Variants in BBS9 observed in about 807,000 individuals in gnomAD.
BBS9 encodes protein PTHB1.
BBS9 carries 89 observed loss-of-function variants against 117.7 expected under a neutral mutation model. That is an observed-to-expected ratio of 0.76 (90% CI 0.64 to 0.90). The LOEUF (loss-of-function observed/expected upper bound fraction) is 0.90, where lower values mean the gene tolerates loss of function less well. BBS9 is among the 40% of genes least tolerant of loss of function. The pLI, the probability that BBS9 is intolerant of heterozygous loss-of-function variation, is 0.00. For synonymous variants in BBS9, 379 were observed against 370.9 expected (o/e 1.02, Z -0.25); for missense variants, 982 against 1,042.2 (o/e 0.94, Z 0.80).
intron 9 of BBS9, among the ~76,000 whole-genome samples, chr7:33,318,580 A>T (rs890608322): frequency 5.9e-5 from 9 of 152,220 alleles, no homozygotes; most frequent in East Asian, 1.9e-4. Flanking sequence ...ATTATTTTTT[A>T]AAAAATATTT....
intron 9 of BBS9, among the ~76,000 whole-genome samples, chr7:33,285,466 C>T (rs1802706168): frequency 6.6e-6 from 1 of 152,092 alleles, no homozygotes; most frequent in South Asian, 2.1e-4. Flanking sequence ...CCTCAGTAAA[C>T]ATAATTTGGA....
At chr7:33,387,605 C>T (rs1826254631) in intron 18 of BBS9, among the ~76,000 whole-genome samples, 1 of 151,990 alleles carries the variant, frequency 6.6e-6, no homozygotes, top group African/African-American at 2.4e-5. Context: ...CTTTCCTATA[C>T]CAAGATCATT....
chr7:33,353,102 G>C (rs553059896), intron 15 of BBS9, among the ~76,000 whole-genome samples: 1 of 152,162 alleles, frequency 6.6e-6, no homozygotes, highest in African/African-American at 2.4e-5. Context: ...ATGAAATTAG[G>C]AGTAAAAATA....
At chr7:33,248,684 T>C (rs1795752441) in intron 5 of BBS9, among the ~76,000 whole-genome samples, 1 of 152,188 alleles carries the variant, frequency 6.6e-6, no homozygotes, top group African/African-American at 2.4e-5. Flanking sequence ...TGAGGTAGGT[T>C]TGCAATAAAG....
chr7:33,452,195 C>CTT lies in BBS9; in HGVS notation c.2116-53257_2116-53256dup, dbSNP rs201032164. Among the ~76,000 whole-genome samples, 464 of 145,090 alleles carry CTT rather than the reference C, an allele frequency of 3.2e-3. 1 individual carries two copies. The highest frequency in any genetic ancestry group is 9.8e-3 in the African/African-American group (392 of 39,864). On this transcript the variant is annotated intron_variant, in intron 19 of 22. Coordinates refer to ENST00000242067, the MANE Select transcript of BBS9 (RefSeq NM_198428.3). ...AGGATATCTTCTCATTTATTTTTAT[C>CTT]TTTTTTTTTTTTAGCAATGTTTTAT...
chr7:33,315,678 A>G (rs764865268), intron 9 of BBS9, among the ~76,000 whole-genome samples: 5 of 152,168 alleles, frequency 3.3e-5, no homozygotes, highest in Non-Finnish European at 7.4e-5. Flanking sequence ...TATAGAGTTA[A>G]AATGTTAGGC....
At chr7:33,569,458 T>A (rs1857419870) in intron 21 of BBS9, among the ~76,000 whole-genome samples, 1 of 151,210 alleles carries the variant, frequency 6.6e-6, no homozygotes, top group Non-Finnish European at 1.5e-5. Flanking sequence ...GATATATAAA[T>A]GCAAAAATAA....
chr7:33,153,715 A>G (rs1452673542), intron 3 of BBS9, among the ~76,000 whole-genome samples: 1 of 152,160 alleles, frequency 6.6e-6, no homozygotes, highest in Non-Finnish European at 1.5e-5. Context: ...TTCTAGTGAT[A>G]TGTTTTATTC....
At chr7:33,357,508 G>A (rs184678572) in intron 15 of BBS9, among the ~76,000 whole-genome samples, 1 of 151,716 alleles carries the variant, frequency 6.6e-6, no homozygotes, top group Non-Finnish European at 1.5e-5. Context: ...CTTGGATTAG[G>A]GCTAGAGCTC....
Position 33,251,115 on chromosome 7 carries a change from T to C in BBS9, c.443-6121T>C, listed in dbSNP as rs139104477. Among the ~76,000 whole-genome samples the C allele has an allele frequency of 6.6e-5, 10 of 152,322 alleles. No individual in the cohort carries two copies. The East Asian group carries it at 1.7e-3, about 26-fold the overall frequency. The stretch of plus-strand genomic sequence containing the variant: ...CCTGACTCAAAGTGACTTCAGTATC[T>C]ACAGGAATGAATTGCCTGCAGAGTT... On this transcript the variant is annotated intron_variant, in intron 5 of 22. Coordinates refer to ENST00000242067, the MANE Select transcript of BBS9 (RefSeq NM_198428.3).
intron 19 of BBS9, among the ~76,000 whole-genome samples, chr7:33,429,124 A>G (rs1409694787): frequency 6.6e-6 from 1 of 152,150 alleles, no homozygotes; most frequent in Non-Finnish European, 1.5e-5. Flanking sequence ...TGGAGCATGT[A>G]TTAACTTTCT....
intron 19 of BBS9, among the ~76,000 whole-genome samples, chr7:33,404,128 A>G (rs1399775181): frequency 1.3e-5 from 2 of 151,972 alleles, no homozygotes; most frequent in Admixed American, 6.6e-5. Context: ...TGTTTTTCTC[A>G]GGTTTGTCAA....
intron 5 of BBS9, among the ~76,000 whole-genome samples, chr7:33,240,346 G>A (rs77395440): frequency 0.038 from 5,757 of 150,090 alleles, 197 homozygotes; most frequent in African/African-American, 0.09. Context: ...TAGTTTTGAC[G>A]TCCTGGGCTC....
At chr7:33,498,147 T>C (rs2129005918) in intron 19 of BBS9, among the ~76,000 whole-genome samples, 1 of 152,262 alleles carries the variant, frequency 6.6e-6, no homozygotes, top group East Asian at 1.9e-4. Flanking sequence ...CCAGTAGTCA[T>C]AGTTAGATGT....
chr7:33,582,523 T>TGCAC lies in BBS9; in HGVS notation c.2522-22342_2522-22341insGCAC, dbSNP rs542378214. 3.6e-3 allele frequency among the ~76,000 whole-genome samples: 529 copies of TGCAC among 147,768 alleles called. 5 individuals carry two copies. The highest frequency in any genetic ancestry group is 0.013 in the African/African-American group (513 of 40,356). On this transcript the variant is annotated intron_variant, in intron 21 of 22. Transcript: ENST00000242067. ...TCATAGTTATACCTTGTTTCTACAATACACACACACACACACACACACACA... is the reference window on the plus strand; with the variant it reads ...TCATAGTTATACCTTGTTTCTACAATGCACACACACACACACACACACACACACA...
At chr7:33,576,425 GA>G (rs1208326093) in intron 21 of BBS9, among the ~76,000 whole-genome samples, 29 of 152,034 alleles carry the variant, frequency 1.9e-4, no homozygotes, top group Non-Finnish European at 4.4e-5. Context: ...AGAAATGGAA[GA>G]ACATTTCATG....
At chr7:33,566,735 A>G (rs1008975927) in intron 21 of BBS9, among the ~76,000 whole-genome samples, 1 of 149,812 alleles carries the variant, frequency 6.7e-6, no homozygotes, top group Admixed American at 6.7e-5. Context: ...GCCAAAAGTT[A>G]TAAAACACAT....
At chr7:33,540,974 G>C (rs1852198735) in intron 21 of BBS9, among the ~76,000 whole-genome samples, 1 of 152,156 alleles carries the variant, frequency 6.6e-6, no homozygotes, top group Admixed American at 6.5e-5. Context: ...TTTACAATGA[G>C]ACAGGTTTCC....
At chr7:33,571,582 T>C (rs996334022) in intron 21 of BBS9, among the ~76,000 whole-genome samples, 1 of 152,046 alleles carries the variant, frequency 6.6e-6, no homozygotes, top group African/African-American at 2.4e-5. Flanking sequence ...TTAATTTTTA[T>C]CTATAATTAG....
Sources: allele counts gnomAD v4.1 joint callset (sites outside exome capture counted in the v4.1 genomes callset), GRCh38; gene constraint gnomAD v4.1.1; transcripts MANE v1.5; gene names NCBI Gene and HGNC (gene_info 2026-07-23, HGNC 2026-07-21).